The following ASXL3 variants were observed in gnomAD, a reference collection of about 807,000 sequenced individuals.
The protein encoded by ASXL3 is ASXL transcriptional regulator 3.
Under a neutral mutation model 170.6 loss-of-function variants are expected in ASXL3, and 34 were observed. That is an observed-to-expected ratio of 0.20 (90% CI 0.15 to 0.27). The LOEUF (loss-of-function observed/expected upper bound fraction) is 0.27. Among genes scored for constraint, ASXL3 ranks in the 10% least tolerant of loss-of-function variants. The probability of loss-of-function intolerance (pLI) is 1.00; values close to 1 mark genes in which losing one functional copy is unlikely to be tolerated. For missense variants in ASXL3, 2,592 were observed against 2,695.3 expected (o/e 0.96, Z 0.85); for synonymous variants, 1,002 against 989.1 (o/e 1.01, Z -0.24).
At chr18:33,727,950 T>C (rs2067377332) in intron 8 of ASXL3, among the ~76,000 whole-genome samples, 1 of 152,194 alleles carries the variant, frequency 6.6e-6, no homozygotes, top group African/African-American at 2.4e-5. Flanking sequence ...GGGCTAGCTT[T>C]CATATTCTTG....
At chr18:33,600,597 G>T (rs1599381665) in intron 1 of ASXL3, among the ~76,000 whole-genome samples, 1 of 152,100 alleles carries the variant, frequency 6.6e-6, no homozygotes, top group Non-Finnish European at 1.5e-5. Flanking sequence ...TGTAAATTCT[G>T]AGTGTCTGCC....
At chr18:33,730,900 T>C (rs1033993398) in intron 8 of ASXL3, among the ~76,000 whole-genome samples, 2 of 152,160 alleles carry the variant, frequency 1.3e-5, no homozygotes, top group African/African-American at 4.8e-5. Context: ...GTATTGAATA[T>C]TTTAGTGTGG....
chr18:33,683,113 C>T (rs1190193634), intron 7 of ASXL3, among the ~76,000 whole-genome samples: 2 of 151,972 alleles, frequency 1.3e-5, no homozygotes, highest in Non-Finnish European at 2.9e-5. Flanking sequence ...TAATTGGAAG[C>T]TCACAATTAA....
intron 2 of ASXL3, among the ~76,000 whole-genome samples, chr18:33,610,452 G>C (rs1261221293): frequency 6.6e-6 from 1 of 151,988 alleles, no homozygotes; most frequent in Admixed American, 6.6e-5. Flanking sequence ...AGCAGTTCTA[G>C]ACAGTAGAAG....
rs769815127 is a variant in ASXL3 at position 33,744,599 on chromosome 18, G to A, written c.4751G>A (p.Arg1584His). ...AGTCATAACTTTGCTGAGCAGGCACGTGGCCCAGCTCCTTTCAAAAGTGAA... is the reference window on the plus strand; with the variant it reads ...AGTCATAACTTTGCTGAGCAGGCACATGGCCCAGCTCCTTTCAAAAGTGAA... The part of the protein sequence containing the change: ...APSHNFAEQA[R>H]GPAPFKSEAD... Residue 1584 changes from arginine to histidine, a missense_variant, in exon 12 of 12, where the codon CGT becomes CAT. This residue lies in a region of ASXL3 where 2,246 missense variants were observed against 2,219.6 expected (regional missense o/e 1.01). Transcript: ENST00000269197. 1.2e-4 allele frequency: 192 copies of A among 1,609,150 alleles called. 3 individuals carry two copies. The South Asian group carries it at 1.4e-3, about 12-fold the overall frequency.
intron 4 of ASXL3, among the ~76,000 whole-genome samples, chr18:33,656,978 A>T (rs957990852): frequency 2.2e-4 from 34 of 152,164 alleles, no homozygotes; most frequent in African/African-American, 8.2e-4. Flanking sequence ...AAAAAATTCA[A>T]TGAACATTAA....
intron 1 of ASXL3, among the ~76,000 whole-genome samples, chr18:33,591,704 C>G (rs193225869): frequency 6.6e-6 from 1 of 151,064 alleles, no homozygotes; most frequent in Non-Finnish European, 1.5e-5. Context: ...TGCAGTGGCG[C>G]GATCTCGGCT....
At chr18:33,723,330 T>C (rs2067293647) in intron 8 of ASXL3, among the ~76,000 whole-genome samples, 1 of 152,124 alleles carries the variant, frequency 6.6e-6, no homozygotes, top group African/African-American at 2.4e-5. Context: ...TAAGAACATT[T>C]GTGATTCGTG....
chr18:33,607,454 C>T lies in ASXL3; in HGVS notation c.55-140C>T, dbSNP rs570055669. ...AAAAATTACGTTCTTCCTTTGGACA[C>T]CTGATCTGTATGATGGACTGCTTTT... On this transcript the variant is annotated intron_variant, in intron 1 of 11. Transcript: ENST00000269197. The T allele has an allele frequency of 3.6e-5, 25 of 692,384 alleles. No individual in the cohort carries two copies. The South Asian group carries it at 4.8e-4, about 13-fold the overall frequency. The allele number at this position is 692,384 out of a possible 1,614,324, so 42.9% of individuals were successfully genotyped here.
At chr18:33,634,813 G>A (rs374689141) in intron 2 of ASXL3, among the ~76,000 whole-genome samples, 1 of 152,172 alleles carries the variant, frequency 6.6e-6, no homozygotes, top group East Asian at 1.9e-4. Context: ...TGTGTTCCGA[G>A]CACTCAAACC....
chr18:33,740,809 A>AACTT (rs1303656311), intron 11 of ASXL3, among the ~76,000 whole-genome samples: 1 of 152,120 alleles, frequency 6.6e-6, no homozygotes, highest in African/African-American at 2.4e-5. Flanking sequence ...TTCTTTAGAG[A>AACTT]ACTTACACCA....
chr18:33,729,649 T>G (rs2145392000), intron 8 of ASXL3, among the ~76,000 whole-genome samples: 1 of 152,216 alleles, frequency 6.6e-6, no homozygotes, highest in Admixed American at 6.5e-5. Context: ...ATAACAAGAC[T>G]TATGACCAGA....
chr18:33,583,569 G>A (rs1301392995), intron 1 of ASXL3, among the ~76,000 whole-genome samples: 1 of 152,068 alleles, frequency 6.6e-6, no homozygotes, highest in African/African-American at 2.4e-5. Flanking sequence ...GTTTCAAGCT[G>A]GATAAAAATG....
intron 8 of ASXL3, among the ~76,000 whole-genome samples, chr18:33,729,733 C>T (rs755891809): frequency 1.3e-5 from 2 of 152,110 alleles, no homozygotes; most frequent in African/African-American, 2.4e-5. Context: ...TCATCTCCCT[C>T]CTTCATTACT....
chr18:33,741,042 T>A (rs760927037), intron 11 of ASXL3, among the ~76,000 whole-genome samples: 9 of 152,208 alleles, frequency 5.9e-5, no homozygotes, highest in Non-Finnish European at 1.3e-4. Context: ...ACTCATGTTC[T>A]CCACAGGCTG....
intron 8 of ASXL3, among the ~76,000 whole-genome samples, chr18:33,731,751 C>A (rs763845979): frequency 6.6e-6 from 1 of 152,130 alleles, no homozygotes. Flanking sequence ...GGAGACCAAT[C>A]TTTTGTTGGG....
rs2067848432 is a variant in ASXL3, at chr18:33,749,341, A to G, written c.*2746A>G. ...GTAGTATATTATTTACTACATGGTTATTGTGGTGTAGTGTGCAAATGTTAG... is the reference window on the plus strand; with the variant it reads ...GTAGTATATTATTTACTACATGGTTGTTGTGGTGTAGTGTGCAAATGTTAG... On this transcript the variant is annotated 3_prime_UTR_variant, in exon 12 of 12. Transcript: ENST00000269197. 1 of 151,982 alleles carries G rather than the reference A, an allele frequency of 6.6e-6. No individual in the cohort carries two copies. The highest frequency in any genetic ancestry group is 2.1e-4 in the South Asian group (1 of 4,824). The allele number at this position is 151,982 out of a possible 1,614,324, so 9.4% of individuals were successfully genotyped here. A position where few individuals can be genotyped will look rare whatever the true frequency, so the allele number is the denominator to read the frequency against.
intron 8 of ASXL3, among the ~76,000 whole-genome samples, chr18:33,694,922 T>A (rs2066747726): frequency 6.6e-6 from 1 of 152,132 alleles, no homozygotes; most frequent in African/African-American, 2.4e-5. Flanking sequence ...CACAGGAGAA[T>A]GTGATTTATT....
At position 33,743,041 on chromosome 18, in the gene ASXL3, C is replaced by T; in HGVS notation, c.3193C>T (p.Arg1065Trp). 1.2e-6 allele frequency: 2 copies of T among 1,613,786 alleles called. No individual in the cohort carries two copies. Among genetic ancestry groups the T allele is most frequent in the East Asian group, 2.2e-5 (1 of 44,854 alleles). ...ADIKARAQQA[R>W]AQREAAAAAA... ...TATCAAGGCCCGGGCCCAACAAGCT[C>T]GGGCCCAGCGAGAGGCTGCTGCAGC... The change falls in exon 12 of 12, where the codon CGG becomes TGG. Residue 1065 changes from arginine to tryptophan, a missense_variant. By Grantham distance (101) the Arg-to-Trp change is moderately radical (BLOSUM62 -3). Around this residue, in one of 4 missense-constraint regions of ASXL3, gnomAD observed 2,246 missense variants for 2,219.6 expected, o/e 1.01. Coordinates refer to ENST00000269197, the MANE Select transcript of ASXL3 (RefSeq NM_030632.3).
Sources: gnomAD v4.1 joint callset for allele counts (sites outside exome capture counted in the v4.1 genomes callset) on GRCh38, gnomAD v4.1.1 for gene constraint, gnomAD v4.1.1 regional missense constraint, MANE v1.5 for transcripts, NCBI Gene and HGNC (gene_info 2026-07-23, HGNC 2026-07-21) for gene names.